Variants in STXBP6 observed in about 807,000 individuals in gnomAD.
STXBP6 encodes the protein syntaxin-binding protein 6.
In STXBP6, 21 loss-of-function variants were observed where a neutral mutation model predicts 26.9. That is an observed-to-expected ratio of 0.78 (90% CI 0.55 to 1.12). The LOEUF (loss-of-function observed/expected upper bound fraction) is 1.12. Among genes scored for constraint, STXBP6 ranks in the 50% most tolerant of loss-of-function variants. The pLI is 0.00. For missense variants in STXBP6, 232 were observed against 257.9 expected (o/e 0.90, Z 0.69); for synonymous variants, 97 against 92.6 (o/e 1.05, Z -0.27).
chr14:24,892,447 C>G (rs2070825303), intron 2 of STXBP6, among the ~76,000 whole-genome samples: 1 of 152,098 alleles, frequency 6.6e-6, no homozygotes, highest in Non-Finnish European at 1.5e-5. Context: ...CCAGATGTTT[C>G]TATATTCTTC....
At chr14:24,999,531 AAG>A (rs1369373178) in intron 1 of STXBP6, among the ~76,000 whole-genome samples, 3 of 152,234 alleles carry the variant, frequency 2.0e-5, no homozygotes, top group African/African-American at 7.2e-5. Context: ...TGGGCTATGA[AAG>A]AAACTGTAAT....
At chr14:24,976,388 T>C (rs1479965680) in intron 1 of STXBP6, among the ~76,000 whole-genome samples, 2 of 152,342 alleles carry the variant, frequency 1.3e-5, no homozygotes, top group Non-Finnish European at 2.9e-5. Context: ...CAGGTTTTCT[T>C]AGTGACACAA....
chr14:24,951,390 C>CTCCAGCACAAGTTGTT (rs71293203), intron 2 of STXBP6, among the ~76,000 whole-genome samples: 1 of 151,698 alleles, frequency 6.6e-6, no homozygotes, highest in Non-Finnish European at 1.5e-5. Flanking sequence ...TCCACATCCT[C>CTCCAGCACAAGTTGTT]TCCGGACTTT....
At chr14:25,038,725 G>A (rs1198858735) in intron 1 of STXBP6, among the ~76,000 whole-genome samples, 4 of 152,064 alleles carry the variant, frequency 2.6e-5, no homozygotes, top group Admixed American at 1.3e-4. Flanking sequence ...GGCTTAGTAC[G>A]TGGACGACAA....
At chr14:24,855,404 C>T (rs906902777) in intron 4 of STXBP6, among the ~76,000 whole-genome samples, 8 of 152,018 alleles carry the variant, frequency 5.3e-5, no homozygotes, top group South Asian at 2.1e-4. Flanking sequence ...ATTATGTTGC[C>T]GATGCTGGCA....
chr14:24,889,054 G>A (rs2070694603), intron 2 of STXBP6, among the ~76,000 whole-genome samples: 1 of 151,890 alleles, frequency 6.6e-6, no homozygotes, highest in Non-Finnish European at 1.5e-5. Context: ...CATGAAGATG[G>A]TGACATCAGG....
chr14:24,955,466 T>C (rs780334862), intron 2 of STXBP6, among the ~76,000 whole-genome samples: 2 of 152,200 alleles, frequency 1.3e-5, no homozygotes, highest in Non-Finnish European at 2.9e-5. Context: ...CTGGCTACTA[T>C]GGTCCTGCCT....
intron 2 of STXBP6, among the ~76,000 whole-genome samples, chr14:24,944,394 C>T (rs980678815): frequency 1.3e-5 from 2 of 152,172 alleles, no homozygotes; most frequent in East Asian, 3.9e-4. Flanking sequence ...TATTTTTAAA[C>T]ACATCATGGC....
At chr14:24,953,051 G>A (rs577318147) in intron 2 of STXBP6, among the ~76,000 whole-genome samples, 1 of 152,244 alleles carries the variant, frequency 6.6e-6, no homozygotes, top group South Asian at 2.1e-4. Context: ...GTCTAAAGGA[G>A]GCCAGAAGGC....
At chr14:24,979,030 C>T (rs2074119168) in intron 1 of STXBP6, among the ~76,000 whole-genome samples, 1 of 152,214 alleles carries the variant, frequency 6.6e-6, no homozygotes, top group South Asian at 2.1e-4. Flanking sequence ...TTAAGGCATT[C>T]ATTATCATGC....
At chr14:24,819,689 G>C (rs565844092) in intron 4 of STXBP6, among the ~76,000 whole-genome samples, 9 of 152,242 alleles carry the variant, frequency 5.9e-5, no homozygotes, top group Non-Finnish European at 1.2e-4. Context: ...TCCTTCCAAT[G>C]CTTCTTCTTC....
At chr14:25,013,466 T>TCACACA (rs3219652) in intron 1 of STXBP6, among the ~76,000 whole-genome samples, 7,535 of 143,254 alleles carry the variant, frequency 0.053, 296 homozygotes, top group African/African-American at 0.11. Context: ...CATCTCTCTT[T>TCACACA]CACACACACA....
intron 4 of STXBP6, among the ~76,000 whole-genome samples, chr14:24,836,606 C>CAAAAAAAA (rs71449215): frequency 3.4e-4 from 15 of 44,252 alleles, no homozygotes; most frequent in South Asian, 1.1e-3. Flanking sequence ...GACTCCCTCT[C>CAAAAAAAA]AAAAAAAAAA....
At chr14:25,027,380 T>C (rs2075368167) in intron 1 of STXBP6, among the ~76,000 whole-genome samples, 1 of 152,210 alleles carries the variant, frequency 6.6e-6, no homozygotes, top group Non-Finnish European at 1.5e-5. Context: ...TATATGTTTC[T>C]ATTGCACTTG....
At chr14:24,906,623 T>C (rs2139680998) in intron 2 of STXBP6, among the ~76,000 whole-genome samples, 1 of 152,328 alleles carries the variant, frequency 6.6e-6, no homozygotes, top group South Asian at 2.1e-4. Flanking sequence ...GAATGCGACA[T>C]GCATAACAAA....
At chr14:24,868,362 A>G (rs186360322) in intron 2 of STXBP6, among the ~76,000 whole-genome samples, 1 of 152,336 alleles carries the variant, frequency 6.6e-6, no homozygotes, top group East Asian at 1.9e-4. Context: ...ATTACTAGTC[A>G]TTAGGGAGAA....
At chr14:24,914,533 C>T (rs2071688050) in intron 2 of STXBP6, among the ~76,000 whole-genome samples, 1 of 152,106 alleles carries the variant, frequency 6.6e-6, no homozygotes, top group African/African-American at 2.4e-5. Context: ...TTATCCTCCC[C>T]CTTCCTAAAT....
intron 4 of STXBP6, among the ~76,000 whole-genome samples, chr14:24,849,991 ATTCATTG>A (rs2069092194): frequency 6.6e-6 from 1 of 152,114 alleles, no homozygotes. Context: ...CAAAGTCTTT[ATTCATTG>A]ACAGAGTTAA....
At chr14:25,035,210 T>C (rs2075529867) in intron 1 of STXBP6, among the ~76,000 whole-genome samples, 1 of 151,606 alleles carries the variant, frequency 6.6e-6, no homozygotes, top group Admixed American at 6.6e-5. Context: ...ACCTGTGAGA[T>C]AACACAGCCA....
Sources: allele counts gnomAD v4.1 joint callset (sites outside exome capture counted in the v4.1 genomes callset), GRCh38; gene constraint gnomAD v4.1.1; transcripts MANE v1.5; gene names NCBI Gene and HGNC (gene_info 2026-07-23, HGNC 2026-07-21).